Variants in GPSM2 observed in about 807,000 individuals in gnomAD.
GPSM2 encodes the protein G protein signaling modulator 2.
A neutral mutation model predicts 78.4 loss-of-function variants in GPSM2; 58 were observed. The observed-to-expected ratio is 0.74, with a 90% confidence interval of 0.60 to 0.92. The LOEUF is 0.92. Ranked by LOEUF, GPSM2 falls within the 40% of genes least tolerant of loss-of-function variation. The pLI is 0.00. For missense variants in GPSM2, 700 were observed against 815.5 expected, an observed-to-expected ratio of 0.86 and a Z score of 1.73; for synonymous variants, 224 against 280.2, an observed-to-expected ratio of 0.80 and a Z score of 2.00.
intron 5 of GPSM2, 152 bp from the exon 6 acceptor site, chr1:108,898,490 C>T: frequency 1.5e-6 from 1 of 668,128 alleles, no homozygotes; most frequent in Non-Finnish European, 2.6e-6. Context: ...CCTATAATTG[C>T]TCTTCATCAT....
At chr1:108,918,410 T>C (rs952400413) in intron 11 of GPSM2, among the ~76,000 whole-genome samples, 1 of 152,206 alleles carries the variant, frequency 6.6e-6, no homozygotes, top group African/African-American at 2.4e-5. Flanking sequence ...GTTTTGATAA[T>C]GAGAATCCAC....
chr1:108,896,497 A>G (rs769860455), intron 2 of GPSM2, among the ~76,000 whole-genome samples: 3 of 152,146 alleles, frequency 2.0e-5, no homozygotes, highest in Non-Finnish European at 4.4e-5. Context: ...TCACTTTCCT[A>G]CATACTCATC....
chr1:108,909,506 T>C (rs1649530173), intron 10 of GPSM2: 1 of 152,182 alleles, frequency 6.6e-6, no homozygotes, highest in Non-Finnish European at 1.5e-5. Flanking sequence ...GAAAGAAATC[T>C]TAAAGTTAGA....
Position 108,922,456 on chromosome 1 carries a change from G to A in GPSM2, c.1480G>A (p.Asp494Asn), listed in dbSNP as rs1650782249. Residue 494 changes from aspartate (D) to asparagine (N), a missense_variant, in exon 13 of 15, where the codon GAC becomes AAC. Transcript: ENST00000264126. ...TACTATTGGAGATGAAGGGTTCTTT[G>A]ACTTATTAAGCCGATTTCAAAGCAA... ...ADTIGDEGFF[D>N]LLSRFQSNRM... 4 of 1,612,446 alleles carry A rather than the reference G, an allele frequency of 2.5e-6. No individual in the cohort carries two copies. The highest frequency in any genetic ancestry group is 3.4e-6 in the Non-Finnish European group (4 of 1,178,774).
At chr1:108,885,670 A>C (rs1382148216) in intron 2 of GPSM2, 92 bp downstream of exon 2, 1 of 799,918 alleles carries the variant, frequency 1.3e-6, no homozygotes. Flanking sequence ...AGTTGAAAAT[A>C]CTCAAATATA....
chr1:108,911,639 T>C, intron 10 of GPSM2, among the ~76,000 whole-genome samples: 1 of 152,300 alleles, frequency 6.6e-6, no homozygotes, highest in Non-Finnish European at 1.5e-5. Flanking sequence ...GATGAATGCA[T>C]TAAATGTGTC....
intron 10 of GPSM2, among the ~76,000 whole-genome samples, chr1:108,909,230 T>A (rs963289160): frequency 6.6e-6 from 1 of 152,222 alleles, no homozygotes; most frequent in Non-Finnish European, 1.5e-5. Context: ...GTGTATTTTT[T>A]AATATGGGGT....
intron 2 of GPSM2, among the ~76,000 whole-genome samples, chr1:108,891,229 A>G (rs1647941238): frequency 6.6e-6 from 1 of 152,190 alleles, no homozygotes; most frequent in South Asian, 2.1e-4. Context: ...ATACTTTAAT[A>G]TTGTAAAAGT....
At chr1:108,881,070 C>CT (rs1557851872) in intron 1 of GPSM2, among the ~76,000 whole-genome samples, 1 of 152,212 alleles carries the variant, frequency 6.6e-6, no homozygotes, top group Admixed American at 6.5e-5. Context: ...TAAAGGGAGT[C>CT]TGTCTATTTT....
chr1:108,931,156 T>TAATA lies in GPSM2; in HGVS notation c.*1217_*1220dup. ...CTGTAAAACAAACTTTTCTAAGTTC[T>TAATA]AATATAAAAACAAAAAACAAAACCC... On this transcript the variant is annotated 3_prime_UTR_variant, in exon 15 of 15. Transcript: ENST00000264126. The TAATA allele has an allele frequency of 1.5e-6, 1 of 656,978 alleles. No individual in the cohort carries two copies. The highest frequency in any genetic ancestry group is 2.4e-6 in the Non-Finnish European group (1 of 421,830). 40.7% of individuals were successfully genotyped at this position (656,978 alleles called of 1,614,324 possible).
chr1:108,904,894 G>T (rs1649104499), intron 10 of GPSM2, among the ~76,000 whole-genome samples: 1 of 151,940 alleles, frequency 6.6e-6, no homozygotes, highest in African/African-American at 2.4e-5. Flanking sequence ...AAATAAAAGG[G>T]ATAAGATTAG....
intron 11 of GPSM2, among the ~76,000 whole-genome samples, chr1:108,917,171 A>G (rs1424464666): frequency 6.6e-6 from 1 of 152,106 alleles, no homozygotes; most frequent in East Asian, 1.9e-4. Flanking sequence ...CCTTTTCTCT[A>G]AACAATAGAC....
chr1:108,934,246 A>G lies in GPSM2; in HGVS notation c.*4306A>G. ...AACGATACTCCATGGCTGCATGAAG[A>G]TGCTGGAGGCATCAAGTGGGTGGCC... On this transcript the variant is annotated 3_prime_UTR_variant, in exon 15 of 15. Transcript: ENST00000264126. 1 of 170,934 alleles carries G rather than the reference A, an allele frequency of 5.9e-6. No homozygotes were observed. Among genetic ancestry groups the G allele is most frequent in the South Asian group, 1.5e-4 (1 of 6,674 alleles). The allele number at this position is 170,934 out of a possible 1,614,324, so 10.6% of individuals were successfully genotyped here. A position where few individuals can be genotyped will look rare whatever the true frequency, so the allele number is the denominator to read the frequency against.
At chr1:108,917,643 T>C (rs1197893300) in intron 11 of GPSM2, among the ~76,000 whole-genome samples, 575 of 25,898 alleles carry the variant, frequency 0.022, 74 homozygotes, top group Non-Finnish European at 0.029. Flanking sequence ...TATATATATA[T>C]ATATATATAT....
chr1:108,903,541 C>G (rs925715821), intron 9 of GPSM2, among the ~76,000 whole-genome samples: 2 of 152,110 alleles, frequency 1.3e-5, no homozygotes, highest in Non-Finnish European at 2.9e-5. Flanking sequence ...GAAGGAAAAG[C>G]ATGGTTCTTA....
chr1:108,911,799 A>ATT (rs71069618), intron 10 of GPSM2, among the ~76,000 whole-genome samples: 20,409 of 108,720 alleles, frequency 0.19, 2,222 homozygotes, highest in African/African-American at 0.21. Flanking sequence ...TGGGAAGACA[A>ATT]TTTTTTTTTT....
At position 108,898,030 on chromosome 1, in the gene GPSM2, T is replaced by G. The variant is rs1423816615; in HGVS notation, c.486T>G (p.Pro162=). The change falls in exon 5 of 15, where the codon CCT becomes CCG. Residue 162 remains proline, a synonymous_variant. Coordinates refer to ENST00000264126, the MANE Select transcript of GPSM2 (RefSeq NM_013296.5). ...YHAKGKSFGC[P]GPQDVGEFPE... ...CCAAAGGGAAAAGTTTTGGTTGCCC[T>G]GGTCCCCAGGATGTAGGAGAATTTC... 1 of 1,614,052 alleles carries G rather than the reference T, an allele frequency of 6.2e-7. No individual in the cohort carries two copies. The highest frequency in any genetic ancestry group is 1.7e-5 in the Admixed American group (1 of 60,012).
At chr1:108,909,182 G>A (rs1649508079) in intron 10 of GPSM2, among the ~76,000 whole-genome samples, 1 of 151,830 alleles carries the variant, frequency 6.6e-6, no homozygotes, top group African/African-American at 2.4e-5. Flanking sequence ...GTTGTGTGAA[G>A]ATTTTGTTGT....
Position 108,931,455 on chromosome 1 carries a change from T to C in GPSM2, c.*1515T>C. The C allele has an allele frequency of 6.4e-7, 1 of 1,550,858 alleles. No homozygotes were observed. On this transcript the variant is annotated 3_prime_UTR_variant, in exon 15 of 15. Transcript: ENST00000264126. ...ACGCTTGGAACAAGTTGCCAACTTG[T>C]TTCACTCTGCTTGCTTCAGACTGTG...
Sources: allele counts gnomAD v4.1 joint callset (sites outside exome capture counted in the v4.1 genomes callset), GRCh38; gene constraint gnomAD v4.1.1; transcripts MANE v1.5; gene names NCBI Gene and HGNC (gene_info 2026-07-23, HGNC 2026-07-21).